The following BCL2L11 variants were observed in gnomAD, a reference collection of about 807,000 sequenced individuals.
BCL2L11 encodes bcl-2-like protein 11.
BCL2L11 carries 15 observed loss-of-function variants against 20.6 expected under a neutral mutation model. The observed-to-expected ratio is 0.73, with a 90% CI of 0.49 to 1.12. The LOEUF (loss-of-function observed/expected upper bound fraction) is 1.12, where lower values mean the gene tolerates loss of function less well. Among genes scored for constraint, BCL2L11 ranks in the 50% most tolerant of loss-of-function variants. The pLI is 0.00. For synonymous variants in BCL2L11, 108 were observed against 92.8 expected (o/e 1.16, Z -0.94); for missense variants, 292 against 260.9 (o/e 1.12, Z -0.82).
intron 2 of BCL2L11, among the ~76,000 whole-genome samples, chr2:111,135,555 G>C (rs879372611): frequency 1.2e-3 from 188 of 151,938 alleles, no homozygotes; most frequent in Non-Finnish European, 1.7e-3. Flanking sequence ...GGGGGGGTCA[G>C]GTACAACATG....
chr2:111,152,390 C>T (rs1396166795), intron 3 of BCL2L11, among the ~76,000 whole-genome samples: 3 of 152,226 alleles, frequency 2.0e-5, no homozygotes, highest in Non-Finnish European at 4.4e-5. Context: ...TGCACATTCT[C>T]AAGGATTCTG....
intron 3 of BCL2L11, among the ~76,000 whole-genome samples, chr2:111,155,307 TGTTCTTCA>T (rs2077690240): frequency 6.6e-6 from 1 of 152,196 alleles, no homozygotes; most frequent in South Asian, 2.1e-4. Context: ...ACAGCCAGAC[TGTTCTTCA>T]GTAGCGGTTG....
chr2:111,128,892 T>G (rs2073273698), intron 2 of BCL2L11: 1 of 1,318,954 alleles, frequency 7.6e-7, no homozygotes, highest in African/African-American at 1.5e-5. Context: ...ACTAGAAAAA[T>G]GCACAATTAG....
At chr2:111,122,726 G>A (rs1281393655) in intron 1 of BCL2L11, 1 of 983,492 alleles carries the variant, frequency 1.0e-6, no homozygotes, top group Non-Finnish European at 1.2e-6. Flanking sequence ...GCTGCCCGGC[G>A]GAGCGCGGCG....
intron 2 of BCL2L11, chr2:111,142,347 TC>T: frequency 6.4e-7 from 1 of 1,550,600 alleles, no homozygotes; most frequent in East Asian, 2.4e-5. Flanking sequence ...GAATTGCCCT[TC>T]ATAGGGAAGT....
intron 2 of BCL2L11, among the ~76,000 whole-genome samples, chr2:111,131,098 A>T (rs1478094695): frequency 6.6e-6 from 1 of 151,980 alleles, no homozygotes; most frequent in Non-Finnish European, 1.5e-5. Context: ...AACCTTAATT[A>T]GGAAGGGTTC....
chr2:111,163,469 T>C (rs1224417023), intron 3 of BCL2L11: 1 of 152,326 alleles, frequency 6.6e-6, no homozygotes, highest in Non-Finnish European at 1.5e-5. Context: ...GATAAGCTGG[T>C]GATTTCCTTT....
chr2:111,159,354 C>T (rs1179589571), intron 3 of BCL2L11, among the ~76,000 whole-genome samples: 2 of 152,200 alleles, frequency 1.3e-5, no homozygotes, highest in Non-Finnish European at 2.9e-5. Context: ...TACCCTGGCA[C>T]TCAGGGTTGT....
intron 3 of BCL2L11, among the ~76,000 whole-genome samples, chr2:111,156,983 A>G (rs1291215966): frequency 6.6e-6 from 1 of 152,212 alleles, no homozygotes; most frequent in Non-Finnish European, 1.5e-5. Flanking sequence ...CTTTTTAAAC[A>G]AGTTGTGTGT....
At chr2:111,126,188 T>C (rs1016004916) in intron 2 of BCL2L11, among the ~76,000 whole-genome samples, 1 of 152,202 alleles carries the variant, frequency 6.6e-6, no homozygotes, top group Non-Finnish European at 1.5e-5. Flanking sequence ...GGTGAGATAG[T>C]GTATTTTTTA....
At chr2:111,147,822 A>G (rs1268888201) in intron 2 of BCL2L11, among the ~76,000 whole-genome samples, 2 of 152,228 alleles carry the variant, frequency 1.3e-5, no homozygotes, top group Non-Finnish European at 2.9e-5. Flanking sequence ...GTCTTATAAA[A>G]AGTATAAAAT....
chr2:111,157,219 G>A (rs1259509848), intron 3 of BCL2L11, among the ~76,000 whole-genome samples: 1 of 152,212 alleles, frequency 6.6e-6, no homozygotes, highest in Non-Finnish European at 1.5e-5. Flanking sequence ...AGATGCAGGT[G>A]CCTGGAAGGG....
intron 1 of BCL2L11, among the ~76,000 whole-genome samples, chr2:111,121,470 G>C (rs1459598012): frequency 5.3e-5 from 8 of 152,334 alleles, no homozygotes; most frequent in African/African-American, 1.4e-4. Context: ...AGGGTCGTAG[G>C]TCCGGGCAGG....
intron 3 of BCL2L11, among the ~76,000 whole-genome samples, chr2:111,151,040 G>A (rs912825184): frequency 6.6e-6 from 1 of 152,146 alleles, no homozygotes; most frequent in African/African-American, 2.4e-5. Flanking sequence ...GAGTAGCTGG[G>A]ATTACAGGCG....
chr2:111,122,783 G>A, intron 1 of BCL2L11: 2 of 985,240 alleles, frequency 2.0e-6, no homozygotes, highest in Non-Finnish European at 2.4e-6. Context: ...CGGGGACTCT[G>A]AACCCGAGTC....
intron 2 of BCL2L11, chr2:111,131,777 G>A (rs1307977163): frequency 6.6e-6 from 1 of 152,064 alleles, no homozygotes; most frequent in African/African-American, 2.4e-5. Context: ...TGGTAGATCC[G>A]TGCATGGTTA....
intron 2 of BCL2L11, among the ~76,000 whole-genome samples, chr2:111,124,755 T>C (rs972071973): frequency 4.6e-5 from 7 of 151,974 alleles, no homozygotes; most frequent in African/African-American, 9.7e-5. Flanking sequence ...TTACAGAAAA[T>C]AGCTTAATAA....
chr2:111,150,347 T>C lies in BCL2L11; in HGVS notation c.498+200T>C, dbSNP rs1216592041. 3 of 1,113,444 alleles carry C rather than the reference T, an allele frequency of 2.7e-6. No homozygotes were observed. The African/African-American group carries it at 4.8e-5, about 18-fold the overall frequency. 69.0% of individuals were successfully genotyped at this position (1,113,444 alleles called of 1,614,324 possible). ...AAGTAATGGCACTTAAATAAAATAATACAGTAGGAGGCAGCAAAGGAATTT... is the reference window on the plus strand; with the variant it reads ...AAGTAATGGCACTTAAATAAAATAACACAGTAGGAGGCAGCAAAGGAATTT... On this transcript the variant is annotated intron_variant, in intron 3 of 3. Transcript: ENST00000393256.
chr2:111,124,134 C>G lies in BCL2L11; in HGVS notation c.389C>G (p.Ala130Gly), dbSNP rs746778263. Residue 130 changes from alanine to glycine, a missense_variant, in exon 2 of 4, where the codon GCA (alanine) becomes GGA (glycine). Physicochemically the swap from Ala to Gly is moderately conservative, Grantham distance 60. Coordinates refer to ENST00000393256, the MANE Select transcript of BCL2L11 (RefSeq NM_138621.5). The stretch of plus-strand genomic sequence containing the variant: ...CAGGCCTTCAACCACTATCTCAGTG[C>G]AATGGGTAAGCAATGCCTGGGTAAG... ...PCQAFNHYLS[A>G]MASMRQAEPA... is the part of the protein sequence containing the mutation. The G allele has an allele frequency of 1.2e-6, 2 of 1,607,388 alleles. No homozygotes were observed. The highest frequency in any genetic ancestry group is 1.1e-5 in the South Asian group (1 of 90,300).
Sources: gnomAD v4.1 joint callset for allele counts (sites outside exome capture counted in the v4.1 genomes callset) on GRCh38, gnomAD v4.1.1 for gene constraint, MANE v1.5 for transcripts, NCBI Gene and HGNC (gene_info 2026-07-23, HGNC 2026-07-21) for gene names.